The following CNTNAP2 variants were observed in gnomAD, a reference collection of about 807,000 sequenced individuals.
The protein encoded by CNTNAP2 is contactin-associated protein-like 2.
In CNTNAP2, 98 loss-of-function variants were observed where a neutral mutation model predicts 155.2. The ratio of observed to expected loss-of-function variants is 0.63; its 90% CI spans 0.54 to 0.75. The LOEUF (loss-of-function observed/expected upper bound fraction) is 0.75, where lower values mean the gene tolerates loss of function less well. Ranked by LOEUF, CNTNAP2 falls within the 30% of genes least tolerant of loss-of-function variation. The pLI, the probability that CNTNAP2 is intolerant of heterozygous loss-of-function variation, is 0.00. For missense variants in CNTNAP2, 1,727 were observed against 1,688.1 expected, an observed-to-expected ratio of 1.02 and a Z score of -0.40; for synonymous variants, 651 against 631.2, an observed-to-expected ratio of 1.03 and a Z score of -0.47.
intron 13 of CNTNAP2, among the ~76,000 whole-genome samples, chr7:147,770,669 C>A (rs1797454913): frequency 6.6e-6 from 1 of 151,902 alleles, no homozygotes; most frequent in East Asian, 1.9e-4. Context: ...TGTGTTAGTT[C>A]TCTAGGGGAA....
At chr7:146,621,131 G>A (rs1014163480) in intron 1 of CNTNAP2, among the ~76,000 whole-genome samples, 4 of 152,080 alleles carry the variant, frequency 2.6e-5, no homozygotes, top group Admixed American at 6.6e-5. Context: ...ATAAGGAACC[G>A]TATCCCTACC....
At chr7:147,757,785 A>T (rs982525543) in intron 13 of CNTNAP2, among the ~76,000 whole-genome samples, 2 of 152,138 alleles carry the variant, frequency 1.3e-5, no homozygotes, top group African/African-American at 2.4e-5. Flanking sequence ...TCAGTCACAT[A>T]TTGTAAACAA....
At chr7:147,205,889 T>C (rs1025233746) in intron 8 of CNTNAP2, among the ~76,000 whole-genome samples, 1 of 152,030 alleles carries the variant, frequency 6.6e-6, no homozygotes, top group Non-Finnish European at 1.5e-5. Context: ...CCTAAAAGAG[T>C]GGAACTGGAA....
intron 3 of CNTNAP2, among the ~76,000 whole-genome samples, chr7:146,924,122 C>G (rs1277984023): frequency 1.3e-5 from 2 of 152,168 alleles, no homozygotes. Flanking sequence ...AATGACATCC[C>G]TGCCATGTTC....
chr7:147,329,453 A>G (rs1287682656), intron 9 of CNTNAP2, among the ~76,000 whole-genome samples: 1 of 152,122 alleles, frequency 6.6e-6, no homozygotes, highest in Non-Finnish European at 1.5e-5. Flanking sequence ...GAATAATGGT[A>G]GAAGTTGTCT....
At chr7:148,188,443 T>A (rs977702781) in intron 18 of CNTNAP2, among the ~76,000 whole-genome samples, 1 of 152,190 alleles carries the variant, frequency 6.6e-6, no homozygotes, top group African/African-American at 2.4e-5. Context: ...AGGAGATAGT[T>A]AAGATGACTT....
At chr7:146,906,688 C>G (rs1796136142) in intron 3 of CNTNAP2, among the ~76,000 whole-genome samples, 1 of 152,054 alleles carries the variant, frequency 6.6e-6, no homozygotes, top group African/African-American at 2.4e-5. Context: ...TAGATAAAAC[C>G]ACAAAGATGG....
chr7:148,241,527 G>A (rs1414010139), intron 20 of CNTNAP2, among the ~76,000 whole-genome samples: 1 of 152,222 alleles, frequency 6.6e-6, no homozygotes, highest in Non-Finnish European at 1.5e-5. Context: ...AGCTTGTGCT[G>A]TGGGAGCACA....
At chr7:147,882,915 T>TTTTG (rs1799545300) in intron 13 of CNTNAP2, among the ~76,000 whole-genome samples, 1 of 152,190 alleles carries the variant, frequency 6.6e-6, no homozygotes, top group Admixed American at 6.5e-5. Context: ...TACAGAAATC[T>TTTTG]TTTGTTTGTG....
At position 147,327,074 on chromosome 7, in the gene CNTNAP2, C is replaced by G. The variant is rs146821860; in HGVS notation, c.1498+26784C>G. On this transcript the variant is annotated intron_variant, in intron 9 of 23. Coordinates refer to ENST00000361727, the MANE Select transcript of CNTNAP2 (RefSeq NM_014141.6). ...ATTTTTCTTTTGTTGGTCAGGCAAG[C>G]TGAGGAAATTTCTAAGCATCATAAA... Among the ~76,000 whole-genome samples the G allele has an allele frequency of 7.7e-3, 1,170 of 152,250 alleles. 12 individuals carry two copies. Among genetic ancestry groups the G allele is most frequent in the South Asian group, 0.061 (294 of 4,828 alleles).
At chr7:148,027,459 A>G (rs1802395188) in intron 15 of CNTNAP2, among the ~76,000 whole-genome samples, 1 of 152,236 alleles carries the variant, frequency 6.6e-6, no homozygotes, top group Non-Finnish European at 1.5e-5. Context: ...GTCTTAAGGC[A>G]GACATCCAGG....
At chr7:147,211,562 A>G (rs1187535194) in intron 8 of CNTNAP2, among the ~76,000 whole-genome samples, 1 of 152,010 alleles carries the variant, frequency 6.6e-6, no homozygotes, top group African/African-American at 2.4e-5. Context: ...TTAGGAATGG[A>G]GAAACAACTC....
intron 8 of CNTNAP2, among the ~76,000 whole-genome samples, chr7:147,247,954 T>C (rs1333192826): frequency 1.3e-5 from 2 of 152,060 alleles, no homozygotes; most frequent in African/African-American, 4.8e-5. Flanking sequence ...AAAAAAGGTA[T>C]AAGGGGATGA....
At chr7:146,278,987 G>C (rs541324188) in intron 1 of CNTNAP2, among the ~76,000 whole-genome samples, 132 of 152,228 alleles carry the variant, frequency 8.7e-4, no homozygotes, top group African/African-American at 3.0e-3. Context: ...ATTATAAATG[G>C]CTTCAAAACT....
chr7:146,132,648 G>A (rs1308833775), intron 1 of CNTNAP2, among the ~76,000 whole-genome samples: 1 of 147,776 alleles, frequency 6.8e-6, no homozygotes, highest in African/African-American at 2.5e-5. Flanking sequence ...TCCCACCTAT[G>A]AGTGAGAATA....
At chr7:147,017,882 T>G (rs564328899) in intron 3 of CNTNAP2, among the ~76,000 whole-genome samples, 1 of 152,068 alleles carries the variant, frequency 6.6e-6, no homozygotes, top group African/African-American at 2.4e-5. Flanking sequence ...GTTACTTCAA[T>G]TAGATACAAA....
intron 5 of CNTNAP2, among the ~76,000 whole-genome samples, chr7:147,111,898 G>A (rs956688182): frequency 1.3e-5 from 2 of 152,092 alleles, no homozygotes; most frequent in Admixed American, 6.5e-5. Flanking sequence ...TAAATTCTCT[G>A]AAGAATGGTC....
intron 1 of CNTNAP2, among the ~76,000 whole-genome samples, chr7:146,766,502 A>T (rs1215612114): frequency 6.6e-5 from 10 of 152,180 alleles, no homozygotes; most frequent in Non-Finnish European, 1.5e-5. Context: ...ACCTGAAGTC[A>T]CTATAGAAAC....
chr7:147,582,907 G>A (rs1329538238), intron 12 of CNTNAP2, among the ~76,000 whole-genome samples: 1 of 152,068 alleles, frequency 6.6e-6, no homozygotes, highest in Non-Finnish European at 1.5e-5. Flanking sequence ...AATCCCCAGA[G>A]CCTATTTAAT....
Sources: gnomAD v4.1 joint callset for allele counts (sites outside exome capture counted in the v4.1 genomes callset) on GRCh38, gnomAD v4.1.1 for gene constraint, MANE v1.5 for transcripts, NCBI Gene and HGNC (gene_info 2026-07-23, HGNC 2026-07-21) for gene names.